Variants in ATP1A1 observed in about 807,000 individuals in gnomAD.
The protein encoded by ATP1A1 is ATPase Na+/K+ transporting subunit alpha 1.
ATP1A1 carries 14 observed loss-of-function variants against 114.8 expected under a neutral mutation model. The ratio of observed to expected loss-of-function variants is 0.12; its 90% confidence interval spans 0.08 to 0.19. ATP1A1 has a LOEUF of 0.19. Among genes scored for constraint, ATP1A1 ranks in the 10% least tolerant of loss-of-function variants. The pLI, the probability that ATP1A1 is intolerant of heterozygous loss-of-function variation, is 1.00. For missense variants in ATP1A1, 524 were observed against 1,290.7 expected (o/e 0.41, Z 9.10); for synonymous variants, 471 against 466.3 (o/e 1.01, Z -0.13).
In ATP1A1 at chr1:116,387,796, G is replaced by A. The variant is rs1441067019; in HGVS notation, c.387+305G>A. Among the ~76,000 whole-genome samples the A allele has an allele frequency of 6.6e-6, 1 of 152,248 alleles. No individual in the cohort carries two copies. The highest frequency in any genetic ancestry group is 1.5e-5 in the Non-Finnish European group (1 of 68,044). ...TGGATGGCAGAGCACAGCGATTCAT[G>A]TTGGCACATCCACCTGTCCAGAAAT... On this transcript the variant is annotated intron_variant, in intron 4 of 22. Transcript: ENST00000295598. The surrounding 1 kb of genome is among the most constrained non-coding windows in gnomAD (Gnocchi z 6.7).
chr1:116,383,387 T>G (rs1483057036), intron 1 of ATP1A1: 1 of 1,006,198 alleles, frequency 9.9e-7, no homozygotes, highest in Admixed American at 6.0e-5. Context: ...AATAATGTCT[T>G]TGCAAAGCAA....
rs10924077 is a variant in ATP1A1, at chr1:116,388,603, G to C, written c.502-35G>C. On this transcript the variant is annotated intron_variant, in intron 5 of 22. Coordinates refer to ENST00000295598, the MANE Select transcript of ATP1A1 (RefSeq NM_000701.8). This position sits in a 1 kb window ranked among gnomAD's most constrained non-coding sequence, Gnocchi z 5.6. ...TTTGGACACTACCTTCTCTTTGTTGGTATACTAACGGTGTAAATTGTTTCT... is the reference window on the plus strand; with the variant it reads ...TTTGGACACTACCTTCTCTTTGTTGCTATACTAACGGTGTAAATTGTTTCT... 7.5e-6 allele frequency: 12 copies of C among 1,606,592 alleles called. No individual in the cohort carries two copies. The highest frequency in any genetic ancestry group is 1.0e-5 in the Non-Finnish European group (12 of 1,175,754).
rs117863652 is a variant in ATP1A1, at chr1:116,392,581, T to A, written c.1333-273T>A. On this transcript the variant is annotated intron_variant, in intron 10 of 22. Coordinates refer to ENST00000295598, the MANE Select transcript of ATP1A1 (RefSeq NM_000701.8). ...GTTGGAAGGGTGTGTTAATACCTCT[T>A]CTAGGGAAGGTGACACCTTCCCACA... 4 of 333,372 alleles carry A rather than the reference T, an allele frequency of 1.2e-5. No individual in the cohort carries two copies. The East Asian group carries it at 2.1e-4, about 18-fold the overall frequency. 20.7% of individuals were successfully genotyped at this position (333,372 alleles called of 1,614,324 possible).
chr1:116,389,023 G>C lies in ATP1A1; in HGVS notation c.754+4G>C. ...TTTTCAACCAATTGTGTTGAAGGTA[G>C]GCCATTTTTGGGCACTTTGAGCATG... On this transcript the variant is annotated splice_donor_region_variant and intron_variant, in intron 7 of 22. Coordinates refer to ENST00000295598, the MANE Select transcript of ATP1A1 (RefSeq NM_000701.8). The surrounding 1 kb of genome is among the most constrained non-coding windows in gnomAD (Gnocchi z 6.9). 8 of 1,611,552 alleles carry C rather than the reference G, an allele frequency of 5.0e-6. No individual in the cohort carries two copies. The highest frequency in any genetic ancestry group is 6.8e-6 in the Non-Finnish European group (8 of 1,177,866).
Position 116,400,412 on chromosome 1 carries a change from GGTCCTGAAGGTGGGGAGGAGA to G in ATP1A1, c.2573-445_2573-425del, listed in dbSNP as rs528093419. ...TTAAATTGGATGCCAGGGGGAGGAGGGTCCTGAAGGTGGGGAGGAGAGTCAGAAAGTGCCACAGTGGCTAGA... is the reference window on the plus strand; with the variant it reads ...TTAAATTGGATGCCAGGGGGAGGAGGGTCAGAAAGTGCCACAGTGGCTAGA... On this transcript the variant is annotated intron_variant, in intron 18 of 22. Coordinates refer to ENST00000295598, the MANE Select transcript of ATP1A1 (RefSeq NM_000701.8). 1.4e-4 allele frequency among the ~76,000 whole-genome samples: 22 copies of G among 152,264 alleles called. No individual in the cohort carries two copies. The South Asian group carries it at 1.7e-3, about 11-fold the overall frequency.
In ATP1A1 at chr1:116,404,275, C is replaced by T. The variant is rs1046777940; in HGVS notation, c.3044-141C>T. 2.2e-5 allele frequency: 22 copies of T among 1,010,672 alleles called. No homozygotes were observed. The highest frequency in any genetic ancestry group is 3.2e-5 in the Non-Finnish European group (21 of 660,658). 62.6% of individuals were successfully genotyped at this position (1,010,672 alleles called of 1,614,324 possible). ...ATTCCTAAAAACATGTAAATAAGTA[C>T]AGTTGAGGTCCCATGTTTGGATTTT... On this transcript the variant is annotated intron_variant, in intron 22 of 22. Transcript: ENST00000295598. This position sits in a 1 kb window ranked among gnomAD's most constrained non-coding sequence, Gnocchi z 4.8.
At chr1:116,379,911 T>A (rs1184243395) in intron 1 of ATP1A1, among the ~76,000 whole-genome samples, 1 of 152,216 alleles carries the variant, frequency 6.6e-6, no homozygotes, top group Non-Finnish European at 1.5e-5. Context: ...CCTGCTAAAG[T>A]GGTATTTGCC....
chr1:116,404,363 G>C lies in ATP1A1; in HGVS notation c.3044-53G>C. ...ATCCCTGTTTCCCTCTGTAATGCTGGAGCGAGGAAGACTCACTGTAGTGTG... is the reference window on the plus strand; with the variant it reads ...ATCCCTGTTTCCCTCTGTAATGCTGCAGCGAGGAAGACTCACTGTAGTGTG... On this transcript the variant is annotated intron_variant, in intron 22 of 22. Transcript: ENST00000295598. This position sits in a 1 kb window ranked among gnomAD's most constrained non-coding sequence, Gnocchi z 4.8. 6.2e-7 allele frequency: 1 copy of C among 1,610,380 alleles called. No individual in the cohort carries two copies. The highest frequency in any genetic ancestry group is 8.5e-7 in the Non-Finnish European group (1 of 1,177,230).
chr1:116,373,293 C>T lies in ATP1A1; in HGVS notation c.-219C>T, dbSNP rs1651103727. On this transcript the variant is annotated 5_prime_UTR_variant, in exon 1 of 23. Transcript: ENST00000295598. ...CAGAGCAGCGGCGGGAGGAGGCGGA[C>T]ACGTGGCAACAGCGGTAGCAGCCCG... 1 of 403,710 alleles carries T rather than the reference C, an allele frequency of 2.5e-6. No homozygotes were observed. The highest frequency in any genetic ancestry group is 4.4e-6 in the Non-Finnish European group (1 of 229,834). The allele number at this position is 403,710 out of a possible 1,614,324, so 25.0% of individuals were successfully genotyped here.
chr1:116,380,971 C>T (rs1382637705), intron 1 of ATP1A1, among the ~76,000 whole-genome samples: 1 of 151,922 alleles, frequency 6.6e-6, no homozygotes, highest in Non-Finnish European at 1.5e-5. Flanking sequence ...TATGAGTGGC[C>T]CTTTAGAAAA....
At chr1:116,390,734 T>TA (rs1474063312) in intron 9 of ATP1A1, 48 bp from the exon 10 acceptor site, 8 of 1,466,386 alleles carry the variant, frequency 5.5e-6, no homozygotes, top group Non-Finnish European at 7.6e-6. Flanking sequence ...AACACAGCCT[T>TA]TGAAGTTAAT....
In ATP1A1 at chr1:116,388,276, G is replaced by A; in HGVS notation, c.501+32G>A. On this transcript the variant is annotated intron_variant, in intron 5 of 22. Transcript: ENST00000295598. This position sits in a 1 kb window ranked among gnomAD's most constrained non-coding sequence, Gnocchi z 5.6. ...GACGCTTTGTCCTTCCCCAGTGGATGACTTGACAGCCCCAAGCATGTCAGC... is the reference window on the plus strand; with the variant it reads ...GACGCTTTGTCCTTCCCCAGTGGATAACTTGACAGCCCCAAGCATGTCAGC... The A allele has an allele frequency of 6.6e-7, 1 of 1,504,294 alleles. No homozygotes were observed. The highest frequency in any genetic ancestry group is 1.4e-5 in the African/African-American group (1 of 72,718). 93.2% of individuals were successfully genotyped at this position (1,504,294 alleles called of 1,614,324 possible).
Position 116,399,716 on chromosome 1 carries a change from A to G in ATP1A1, c.2572+173A>G, listed in dbSNP as rs1653266004. ...TTCTCTGAACTCTCTTCCATGTGAG[A>G]ATACATCTGTTGCTGTTTGCCCAGT... On this transcript the variant is annotated intron_variant, in intron 18 of 22. Transcript: ENST00000295598. This position sits in a 1 kb window ranked among gnomAD's most constrained non-coding sequence, Gnocchi z 5.0. Among the ~76,000 whole-genome samples the G allele has an allele frequency of 6.6e-6, 1 of 152,186 alleles. No homozygotes were observed. Among genetic ancestry groups the G allele is most frequent in the Non-Finnish European group, 1.5e-5 (1 of 68,026 alleles).
rs748375547 is a variant in ATP1A1, at chr1:116,396,566, T to C, written c.1837-32T>C. 2.5e-6 allele frequency: 4 copies of C among 1,611,218 alleles called. No individual in the cohort carries two copies. In the Admixed American group the frequency reaches 5.0e-5, roughly 20 times the overall value. On this transcript the variant is annotated intron_variant, in intron 13 of 22. Coordinates refer to ENST00000295598, the MANE Select transcript of ATP1A1 (RefSeq NM_000701.8). ...GACTTTAAGGTCATTTACTTGGCAGTTGCATTCAACACATTGTCTTGTTTA... is the reference window on the plus strand; with the variant it reads ...GACTTTAAGGTCATTTACTTGGCAGCTGCATTCAACACATTGTCTTGTTTA...
intron 1 of ATP1A1, chr1:116,374,094 C>G: frequency 6.9e-7 from 1 of 1,452,890 alleles, no homozygotes; most frequent in Admixed American, 2.5e-5. Flanking sequence ...GGGGCTCCTT[C>G]TCCTGGGGAC....
chr1:116,404,062 G>A lies in ATP1A1; in HGVS notation c.3043+87G>A. The A allele has an allele frequency of 7.6e-7, 1 of 1,313,040 alleles. No homozygotes were observed. Among genetic ancestry groups the A allele is most frequent in the Non-Finnish European group, 1.1e-6 (1 of 929,346 alleles). 81.3% of individuals were successfully genotyped at this position (1,313,040 alleles called of 1,614,324 possible). ...TTTTTTGTTTCCCTCAAGGTGTCTAGGCTCCCTCAGTGGTCAGTCTGATTA... is the reference window on the plus strand; with the variant it reads ...TTTTTTGTTTCCCTCAAGGTGTCTAAGCTCCCTCAGTGGTCAGTCTGATTA... On this transcript the variant is annotated intron_variant, in intron 22 of 22. Transcript: ENST00000295598. The surrounding 1 kb of genome is among the most constrained non-coding windows in gnomAD (Gnocchi z 4.8).
At position 116,401,294 on chromosome 1, in the gene ATP1A1, C is replaced by T. The variant is rs1272826799; in HGVS notation, c.2849+34C>T. The T allele has an allele frequency of 1.2e-6, 2 of 1,612,544 alleles. No homozygotes were observed. Among genetic ancestry groups the T allele is most frequent in the East Asian group, 2.2e-5 (1 of 44,832 alleles). On this transcript the variant is annotated intron_variant, in intron 20 of 22. Coordinates refer to ENST00000295598, the MANE Select transcript of ATP1A1 (RefSeq NM_000701.8). The surrounding 1 kb of genome is among the most constrained non-coding windows in gnomAD (Gnocchi z 4.7). ...TGAAGGACATGTCAAGGCCTTGGCTCAAAGAAGGGGACTGGTGATTTGTAA... is the reference window on the plus strand; with the variant it reads ...TGAAGGACATGTCAAGGCCTTGGCTTAAAGAAGGGGACTGGTGATTTGTAA...
rs569091209 is a variant in ATP1A1, at chr1:116,397,351, G to A, written c.1974-537G>A. Among the ~76,000 whole-genome samples, 6 of 152,048 alleles carry A rather than the reference G, an allele frequency of 3.9e-5. No homozygotes were observed. The highest frequency in any genetic ancestry group is 5.9e-5 in the Non-Finnish European group (4 of 67,998). On this transcript the variant is annotated intron_variant, in intron 14 of 22. Transcript: ENST00000295598. This position sits in a 1 kb window ranked among gnomAD's most constrained non-coding sequence, Gnocchi z 4.2. ...TTCTTTTTTTCTTTGATGGAGTCTC[G>A]CTCTGTCATCCCGGTTGGAGTGCAG... is the stretch of plus-strand genomic sequence containing the variant.
At position 116,385,191 on chromosome 1, in the gene ATP1A1, ATCTT is replaced by A. The variant is rs1371982284; in HGVS notation, c.183+352_183+355del. On this transcript the variant is annotated intron_variant, in intron 3 of 22. Coordinates refer to ENST00000295598, the MANE Select transcript of ATP1A1 (RefSeq NM_000701.8). This position sits in a 1 kb window ranked among gnomAD's most constrained non-coding sequence, Gnocchi z 4.3. ...TTCTACATTTGTTAAATAGAGTTGA[ATCTT>A]TCACCTAGTTGAATCTTCAACAATT... 1 of 259,980 alleles carries A rather than the reference ATCTT, an allele frequency of 3.8e-6. No homozygotes were observed. The highest frequency in any genetic ancestry group is 7.3e-6 in the Non-Finnish European group (1 of 136,670). 16.1% of individuals were successfully genotyped at this position (259,980 alleles called of 1,614,324 possible).
Sources: allele counts gnomAD v4.1 joint callset (sites outside exome capture counted in the v4.1 genomes callset), GRCh38; gene constraint gnomAD v4.1.1; non-coding constraint Gnocchi (gnomAD v3.1); transcripts MANE v1.5; gene names NCBI Gene and HGNC (gene_info 2026-07-23, HGNC 2026-07-21).